VPS8: variants seen among roughly 807,000 people sequenced by gnomAD.
VPS8 encodes the protein vacuolar protein sorting-associated protein 8 homolog.
A neutral mutation model predicts 216.4 loss-of-function variants in VPS8; 129 were observed. The ratio of observed to expected loss-of-function variants is 0.60; its 90% CI spans 0.52 to 0.69. The LOEUF is 0.69. Ranked by LOEUF, VPS8 falls within the 30% of genes least tolerant of loss-of-function variation. VPS8 has a pLI of 0.00. For missense variants in VPS8, 1,531 were observed against 1,683.5 expected (o/e 0.91, Z 1.59); for synonymous variants, 571 against 565.4 (o/e 1.01, Z -0.14).
intron 45 of VPS8, among the ~76,000 whole-genome samples, chr3:185,000,624 T>TC (rs998065857): frequency 6.6e-6 from 1 of 151,240 alleles, no homozygotes; most frequent in Non-Finnish European, 1.5e-5. Flanking sequence ...TTTTTTTTTT[T>TC]TTGAGATGCA....
At chr3:184,888,278 G>A (rs1243428229) in intron 22 of VPS8, among the ~76,000 whole-genome samples, 3 of 152,134 alleles carry the variant, frequency 2.0e-5, no homozygotes, top group Non-Finnish European at 2.9e-5. Flanking sequence ...ATGAGCCGCC[G>A]CACCCGGCCA....
chr3:184,935,448 A>G (rs886396389), intron 34 of VPS8, among the ~76,000 whole-genome samples: 1 of 152,212 alleles, frequency 6.6e-6, no homozygotes, highest in African/African-American at 2.4e-5. Context: ...ATTAAGAGAT[A>G]CATTGTGAAT....
chr3:184,983,337 G>C (rs1426204351), intron 42 of VPS8, among the ~76,000 whole-genome samples: 1 of 152,164 alleles, frequency 6.6e-6, no homozygotes, highest in Admixed American at 6.5e-5. Flanking sequence ...GCGGCCTTCA[G>C]ATATTCCCTG....
chr3:184,869,401 T>A, intron 19 of VPS8, 81 bp from the exon 20 acceptor site: 2 of 1,417,666 alleles, frequency 1.4e-6, no homozygotes, highest in South Asian at 2.4e-5. Flanking sequence ...TCACATCTTA[T>A]AAATATGAAA....
chr3:184,868,961 C>T lies in VPS8; in HGVS notation c.1522C>T (p.Leu508=). The part of the protein sequence containing the change: ...RSWRERVDHL[L]KQDCLTEALA... ...TCCGTTTTAGAGAGTGGATCATCTCCTGAAACAAGATTGTCTTACAGAAGC... is the reference window on the plus strand; with the variant it reads ...TCCGTTTTAGAGAGTGGATCATCTCTTGAAACAAGATTGTCTTACAGAAGC... Residue 508 remains leucine, a synonymous_variant, in exon 19 of 48, where the codon CTG becomes TTG. Coordinates refer to ENST00000625842, the MANE Select transcript of VPS8 (RefSeq NM_001009921.3). 1.2e-6 allele frequency: 2 copies of T among 1,609,166 alleles called. No individual in the cohort carries two copies. The highest frequency in any genetic ancestry group is 1.7e-6 in the Non-Finnish European group (2 of 1,177,900).
At chr3:184,916,354 T>C (rs1012659540) in intron 28 of VPS8, among the ~76,000 whole-genome samples, 2 of 152,076 alleles carry the variant, frequency 1.3e-5, no homozygotes, top group Non-Finnish European at 2.9e-5. Context: ...TTATAGTGTT[T>C]AGCGAAAGCA....
At chr3:184,881,868 AT>A (rs1730323832) in intron 21 of VPS8, among the ~76,000 whole-genome samples, 1 of 151,952 alleles carries the variant, frequency 6.6e-6, no homozygotes, top group African/African-American at 2.4e-5. Flanking sequence ...TTTAAATGGT[AT>A]TGAATTTCTA....
chr3:184,978,555 C>T (rs1749687685), intron 40 of VPS8, among the ~76,000 whole-genome samples: 1 of 151,998 alleles, frequency 6.6e-6, no homozygotes, highest in Non-Finnish European at 1.5e-5. Flanking sequence ...CACACACCAC[C>T]ACACCCTGCT....
At chr3:184,993,276 C>T (rs1752152311) in intron 42 of VPS8, among the ~76,000 whole-genome samples, 3 of 152,148 alleles carry the variant, frequency 2.0e-5, no homozygotes, top group African/African-American at 4.8e-5. Context: ...GAGAAATATA[C>T]ATCAAAATAT....
At chr3:184,812,564 T>G (rs1577662794) in intron 1 of VPS8, 1 of 152,234 alleles carries the variant, frequency 6.6e-6, no homozygotes, top group Non-Finnish European at 1.5e-5. Context: ...GGGGCTGAGG[T>G]ATCACTAAAT....
chr3:184,829,157 A>C (rs528886555), intron 3 of VPS8, among the ~76,000 whole-genome samples: 3 of 152,250 alleles, frequency 2.0e-5, no homozygotes, highest in African/African-American at 7.2e-5. Flanking sequence ...AAAGTTTCTT[A>C]TTAATGTGTT....
intron 45 of VPS8, among the ~76,000 whole-genome samples, chr3:185,021,089 C>G (rs1445974914): frequency 6.6e-6 from 1 of 152,052 alleles, no homozygotes; most frequent in East Asian, 1.9e-4. Flanking sequence ...AACCAAAAAA[C>G]AAGATGATAA....
chr3:185,006,592 A>G (rs1346292240), intron 45 of VPS8, among the ~76,000 whole-genome samples: 3 of 152,190 alleles, frequency 2.0e-5, no homozygotes, highest in Admixed American at 1.3e-4. Context: ...GAAAATACTA[A>G]TTCTACTGTG....
intron 46 of VPS8, among the ~76,000 whole-genome samples, chr3:185,027,060 G>T (rs979573175): frequency 6.6e-6 from 1 of 151,796 alleles, no homozygotes; most frequent in Non-Finnish European, 1.5e-5. Flanking sequence ...CTAGAGAAAA[G>T]AAATACAATC....
intron 37 of VPS8, among the ~76,000 whole-genome samples, chr3:184,961,871 A>T (rs776002732): frequency 8.6e-5 from 13 of 151,908 alleles, no homozygotes; most frequent in Non-Finnish European, 1.5e-4. Context: ...GATTCAAGTG[A>T]TTCTCCTACC....
chr3:184,881,909 A>G (rs1011655669), intron 21 of VPS8, among the ~76,000 whole-genome samples: 1 of 152,040 alleles, frequency 6.6e-6, no homozygotes, highest in South Asian at 2.1e-4. Flanking sequence ...CAGTAATGGC[A>G]TATGGAATGT....
At chr3:184,897,467 G>T (rs1283930149) in intron 23 of VPS8, among the ~76,000 whole-genome samples, 1 of 152,156 alleles carries the variant, frequency 6.6e-6, no homozygotes, top group African/African-American at 2.4e-5. Context: ...CAGGAGTTCT[G>T]GTTGGCCATT....
At chr3:185,012,979 A>AGTT (rs1561115003) in intron 45 of VPS8, among the ~76,000 whole-genome samples, 5 of 151,656 alleles carry the variant, frequency 3.3e-5, no homozygotes, top group African/African-American at 7.3e-5. Flanking sequence ...TACGGGAAAT[A>AGTT]ACTAAAAGCA....
intron 24 of VPS8, among the ~76,000 whole-genome samples, chr3:184,899,504 C>G (rs1734099324): frequency 1.3e-5 from 2 of 152,202 alleles, no homozygotes; most frequent in African/African-American, 4.8e-5. Context: ...GGTTGCACCT[C>G]TCTTCTTTCG....
Sources: allele counts gnomAD v4.1 joint callset (sites outside exome capture counted in the v4.1 genomes callset), GRCh38; gene constraint gnomAD v4.1.1; transcripts MANE v1.5; gene names NCBI Gene and HGNC (gene_info 2026-07-23, HGNC 2026-07-21).